The following NR1H3 variants were observed in gnomAD, a reference collection of about 807,000 sequenced individuals.
NR1H3 encodes oxysterols receptor LXR-alpha.
A neutral mutation model predicts 48.1 loss-of-function variants in NR1H3; 19 were observed. The ratio of observed to expected loss-of-function variants is 0.40; its 90% CI spans 0.28 to 0.58. NR1H3 has a LOEUF of 0.58. NR1H3 is among the 20% of genes least tolerant of loss of function. The pLI, the probability that NR1H3 is intolerant of heterozygous loss-of-function variation, is 0.50. For missense variants in NR1H3, 486 were observed against 595.9 expected, an observed-to-expected ratio of 0.82 and a Z score of 1.92; for synonymous variants, 232 against 227.3, an observed-to-expected ratio of 1.02 and a Z score of -0.19.
At chr11:47,256,498 G>A (rs1439655068), upstream of NR1H3, among the ~76,000 whole-genome samples, 3 of 151,998 alleles carry the variant, frequency 2.0e-5, no homozygotes, top group South Asian at 2.1e-4. Flanking sequence ...GAGTCTGAAC[G>A]CTAAATCAAC....
chr11:47,268,105 G>C, intron 8 of NR1H3, 79 bp downstream of exon 8: 1 of 1,214,448 alleles, frequency 8.2e-7, no homozygotes, highest in Non-Finnish European at 1.2e-6. Flanking sequence ...TCGGTGGGGG[G>C]AGGGGGGTGG....
intron 7 of NR1H3, among the ~76,000 whole-genome samples, chr11:47,262,523 A>AT (rs781005608): frequency 0.022 from 2,959 of 137,172 alleles, 36 homozygotes; most frequent in Non-Finnish European, 0.033. Context: ...TTTTTGTTTC[A>AT]TTTTTTTTTT....
chr11:47,255,803 G>C (rs1283685116), upstream of NR1H3, among the ~76,000 whole-genome samples: 5 of 151,698 alleles, frequency 3.3e-5, no homozygotes, highest in Non-Finnish European at 4.4e-5. Context: ...GAGTAGCTGG[G>C]ATTACAGGAA....
At chr11:47,265,476 A>G (rs1361262885) in intron 7 of NR1H3, among the ~76,000 whole-genome samples, 1 of 152,208 alleles carries the variant, frequency 6.6e-6, no homozygotes, top group Non-Finnish European at 1.5e-5. Context: ...GGGTGCAGAG[A>G]CTTTGACAAT....
Position 47,260,543 on chromosome 11 carries a change from C to T in NR1H3, c.367C>T (p.Arg123Cys), listed in dbSNP as rs1591116761. ...CTGCGAGGGCTGCAAGGGATTCTTC[C>T]GCCGCAGCGTCATCAAGGGAGCGCA... ...LSCEGCKGFF[R>C]RSVIKGAHYI... is the part of the protein sequence containing the mutation. The change falls in exon 4 of 10, where the codon CGC (arginine) becomes TGC (cysteine). Residue 123 changes from arginine (R) to cysteine (C), a missense_variant. Coordinates refer to ENST00000441012, the MANE Select transcript of NR1H3 (RefSeq NM_005693.4). 2 of 1,614,244 alleles carry T rather than the reference C, an allele frequency of 1.2e-6. No individual in the cohort carries two copies. Among genetic ancestry groups the T allele is most frequent in the Middle Eastern group, 1.6e-4 (1 of 6,062 alleles).
Position 47,262,005 on chromosome 11 carries a change from CTT to C in NR1H3, c.977_978del (p.Phe326CysfsTer22). 1 of 1,612,272 alleles carries C rather than the reference CTT, an allele frequency of 6.2e-7. No homozygotes were observed. Among genetic ancestry groups the C allele is most frequent in the Non-Finnish European group, 8.5e-7 (1 of 1,178,402 alleles). ...LKDFSYNRED[F>X]AKAGLQVEFI... ...AGGATTTCAGTTATAACCGGGAAGA[CTT>C]TGCCAAAGCAGGTGAGAACTGAGAT... On this transcript the variant is annotated frameshift_variant, in exon 7 of 10. Transcript: ENST00000441012. LOFTEE classifies it high-confidence loss of function.
At chr11:47,267,307 A>C (rs892150712) in intron 7 of NR1H3, among the ~76,000 whole-genome samples, 2 of 152,170 alleles carry the variant, frequency 1.3e-5, no homozygotes, top group Admixed American at 6.5e-5. Context: ...ACCCTGTCTC[A>C]AAGAAAAAAA....
intron 1 of NR1H3, among the ~76,000 whole-genome samples, chr11:47,252,959 C>CTT (rs35321542): frequency 0.079 from 8,900 of 113,226 alleles, 518 homozygotes; most frequent in Non-Finnish European, 0.11. Flanking sequence ...AACTTGTATT[C>CTT]TTTTTTTTTT....
At chr11:47,268,416 A>G (rs1163202000) in intron 9 of NR1H3, 61 bp downstream of exon 9, 5 of 1,590,052 alleles carry the variant, frequency 3.1e-6, no homozygotes, top group African/African-American at 1.3e-5. Flanking sequence ...TCCCTGACAT[A>G]CCTACTTTCC....
chr11:47,266,793 C>T (rs920716692), intron 7 of NR1H3, among the ~76,000 whole-genome samples: 1 of 151,636 alleles, frequency 6.6e-6, no homozygotes, highest in Non-Finnish European at 1.5e-5. Context: ...AGGAGTGCAC[C>T]ACCACGCCCA....
At chr11:47,259,426 A>G (rs1193552405) in intron 2 of NR1H3, 167 bp downstream of exon 2, 1 of 1,560,930 alleles carries the variant, frequency 6.4e-7, no homozygotes, top group African/African-American at 1.4e-5. Flanking sequence ...CCCTGGTTCC[A>G]GTGCCTGGCC....
At chr11:47,268,419 T>G (rs1591266163) in intron 9 of NR1H3, 64 bp downstream of exon 9, 1 of 1,587,926 alleles carries the variant, frequency 6.3e-7, no homozygotes, top group East Asian at 2.2e-5. Context: ...CTGACATACC[T>G]ACTTTCCCTT....
chr11:47,256,871 C>T (rs1032255174), upstream of NR1H3, among the ~76,000 whole-genome samples: 2 of 151,614 alleles, frequency 1.3e-5, no homozygotes, highest in Non-Finnish European at 2.9e-5. Flanking sequence ...GCTGGAACTA[C>T]AGGCGCCTGC....
upstream of NR1H3, among the ~76,000 whole-genome samples, chr11:47,254,017 C>T (rs1158855225): frequency 6.6e-6 from 1 of 152,200 alleles, no homozygotes; most frequent in Non-Finnish European, 1.5e-5. Context: ...TTTTGGTCTT[C>T]TCCCATTTTC....
chr11:47,268,802 G>A lies in NR1H3; in HGVS notation c.*106G>A. 1 of 1,402,678 alleles carries A rather than the reference G, an allele frequency of 7.1e-7. No homozygotes were observed. Among genetic ancestry groups the A allele is most frequent in the Non-Finnish European group, 9.7e-7 (1 of 1,032,580 alleles). The allele number at this position is 1,402,678 out of a possible 1,614,324, so 86.9% of individuals were successfully genotyped here. On this transcript the variant is annotated 3_prime_UTR_variant, in exon 10 of 10. Transcript: ENST00000441012. ...AGAAGGGCAAACATTCCTGGGAGCT[G>A]GGCAAGGAGATCCTCCCGTGGCATT... is the stretch of plus-strand genomic sequence containing the variant.
At chr11:47,251,057 G>A (rs778968702) in intron 1 of NR1H3, among the ~76,000 whole-genome samples, 11 of 152,116 alleles carry the variant, frequency 7.2e-5, no homozygotes, top group Non-Finnish European at 1.6e-4. Flanking sequence ...TACTCAGGAG[G>A]CTGAGGCAGG....
Position 47,267,872 on chromosome 11 carries a change from T to A in NR1H3, c.989-41T>A, listed in dbSNP as rs1157776402. 3.6e-6 allele frequency: 5 copies of A among 1,396,070 alleles called. No homozygotes were observed. In the South Asian group the frequency reaches 5.8e-5, roughly 16 times the overall value. The allele number at this position is 1,396,070 out of a possible 1,614,324, so 86.5% of individuals were successfully genotyped here. On this transcript the variant is annotated intron_variant, in intron 7 of 9. Coordinates refer to ENST00000441012, the MANE Select transcript of NR1H3 (RefSeq NM_005693.4). ...GGTGAGGAGAGAAGAAAGTTCCTGC[T>A]GCTCCTGCTGCTTGCGTCAGCCTCC...
rs910767727 is a variant in NR1H3, at chr11:47,259,853, A to T, written c.106A>T (p.Ser36Cys). ...QDASSQAQGG[S>C]SCILREEARM... Reference sequence around the variant, plus strand: ...TGCAAGCAGCCAGGCCCAGGGAGGCAGCAGCTGCATCCTCAGAGAGGAAGC... The same window carrying T: ...TGCAAGCAGCCAGGCCCAGGGAGGCTGCAGCTGCATCCTCAGAGAGGAAGC... Residue 36 changes from serine (S) to cysteine (C), a missense_variant, in exon 3 of 10, where the codon AGC becomes TGC. Physicochemically the swap from Ser to Cys is moderately radical, Grantham distance 112. Coordinates refer to ENST00000441012, the MANE Select transcript of NR1H3 (RefSeq NM_005693.4). 2.5e-6 allele frequency: 4 copies of T among 1,612,126 alleles called. No individual in the cohort carries two copies. The highest frequency in any genetic ancestry group is 3.4e-6 in the Non-Finnish European group (4 of 1,179,732).
intron 2 of NR1H3, chr11:47,259,567 A>C: frequency 6.8e-7 from 1 of 1,464,454 alleles, no homozygotes. Flanking sequence ...CAGCCCCCCA[A>C]AGGGACAAGG....
Sources: gnomAD v4.1 joint callset for allele counts (sites outside exome capture counted in the v4.1 genomes callset) on GRCh38, gnomAD v4.1.1 for gene constraint, MANE v1.5 for transcripts, NCBI Gene and HGNC (gene_info 2026-07-23, HGNC 2026-07-21) for gene names.